Variants in DOCK11 observed in about 807,000 individuals in gnomAD.
DOCK11 encodes dedicator of cytokinesis 11.
A neutral mutation model predicts 169.1 loss-of-function variants in DOCK11; 70 were observed. The observed-to-expected ratio is 0.41, with a 90% CI of 0.34 to 0.51. The LOEUF is 0.51. Among genes scored for constraint, DOCK11 ranks in the 20% least tolerant of loss-of-function variants. The probability of loss-of-function intolerance (pLI) is 0.10; values close to 1 mark genes in which losing one functional copy is unlikely to be tolerated. For synonymous variants in DOCK11, 529 were observed against 541.3 expected, an observed-to-expected ratio of 0.98 and a Z score of 0.32; for missense variants, 1,166 against 1,538.8, an observed-to-expected ratio of 0.76 and a Z score of 4.05.
chrX:118,511,828 T>G (rs752969758), intron 1 of DOCK11, among the ~76,000 whole-genome samples: 1 of 112,272 alleles, frequency 8.9e-6, no homozygotes, highest in East Asian at 2.8e-4. Context: ...ACAGATACCG[T>G]CGTTCAGTTC....
At chrX:118,512,760 C>A (rs1603023408) in intron 1 of DOCK11, among the ~76,000 whole-genome samples, 1 of 110,892 alleles carries the variant, frequency 9.0e-6, no homozygotes, top group Admixed American at 9.6e-5. Flanking sequence ...CTATCCTCTA[C>A]CAGGGTAGAA....
intron 1 of DOCK11, among the ~76,000 whole-genome samples, chrX:118,514,961 C>T (rs1323572230): frequency 8.9e-6 from 1 of 111,927 alleles, no homozygotes; most frequent in Non-Finnish European, 1.9e-5. Flanking sequence ...GATCTAGAGG[C>T]CAGACGTCTG....
At chrX:118,617,599 G>T (rs1015126176) in intron 30 of DOCK11, among the ~76,000 whole-genome samples, 1 of 72,790 alleles carries the variant, frequency 1.4e-5, no homozygotes, top group Non-Finnish European at 2.6e-5. Context: ...TGAGGATCTA[G>T]CCTGGGCACA....
At chrX:118,515,086 ATC>A (rs1410075438) in intron 1 of DOCK11, among the ~76,000 whole-genome samples, 1 of 110,967 alleles carries the variant, frequency 9.0e-6, no homozygotes, top group East Asian at 2.8e-4. Flanking sequence ...CATCACTCCA[ATC>A]TCTGCCTCTG....
chrX:118,595,668 G>A (rs111249094), intron 20 of DOCK11, among the ~76,000 whole-genome samples: 2,952 of 111,982 alleles, frequency 0.026, 45 homozygotes, highest in Non-Finnish European at 0.043. Context: ...GCTCAGCGGA[G>A]CATGAAACAG....
chrX:118,524,370 T>C (rs1240000052), intron 1 of DOCK11, among the ~76,000 whole-genome samples: 1 of 111,823 alleles, frequency 8.9e-6, no homozygotes, highest in Non-Finnish European at 1.9e-5. Context: ...AAAATAAAGT[T>C]GATTACATTA....
chrX:118,502,829 G>A (rs2057584383), intron 1 of DOCK11, among the ~76,000 whole-genome samples: 1 of 111,515 alleles, frequency 9.0e-6, no homozygotes, highest in Non-Finnish European at 1.9e-5. Context: ...ACTGAATACA[G>A]TCAGGGAGGG....
In DOCK11 at chrX:118,593,349, C is replaced by T. The variant is rs755899574; in HGVS notation, c.2263+12C>T. The T allele has an allele frequency of 2.2e-5, 26 of 1,188,785 alleles. No homozygotes were observed. Among genetic ancestry groups the T allele is most frequent in the Non-Finnish European group, 2.9e-5 (26 of 885,886 alleles). On this transcript the variant is annotated intron_variant, in intron 20 of 52. Coordinates refer to ENST00000276202, the MANE Select transcript of DOCK11 (RefSeq NM_144658.4). ...AGTTGAAACTCCAGGTACGTGTTCTCTTTAAATGTCTCTCTCTACAGTTAT... is the reference window on the plus strand; with the variant it reads ...AGTTGAAACTCCAGGTACGTGTTCTTTTTAAATGTCTCTCTCTACAGTTAT...
intron 1 of DOCK11, among the ~76,000 whole-genome samples, chrX:118,534,281 C>G (rs1301376731): frequency 8.9e-6 from 1 of 111,999 alleles, no homozygotes; most frequent in African/African-American, 3.2e-5. Flanking sequence ...TTCTATTTAT[C>G]CATTTGTAGG....
chrX:118,599,770 CTGACAG>C (rs1490479466), intron 23 of DOCK11, among the ~76,000 whole-genome samples: 1 of 112,411 alleles, frequency 8.9e-6, no homozygotes, highest in Non-Finnish European at 1.9e-5. Flanking sequence ...CATAATTTGC[CTGACAG>C]TGGCTCTCTT....
chrX:118,565,042 C>A (rs2013036396), intron 7 of DOCK11, among the ~76,000 whole-genome samples: 1 of 110,237 alleles, frequency 9.1e-6, no homozygotes. Flanking sequence ...CTTAGGTGAT[C>A]CTCCCACCTC....
intron 1 of DOCK11, among the ~76,000 whole-genome samples, chrX:118,507,435 C>T (rs368297639): frequency 7.3e-5 from 8 of 109,449 alleles, no homozygotes; most frequent in Non-Finnish European, 1.5e-4. Context: ...TGGCAACCTC[C>T]GCCTCCTGTG....
Position 118,560,015 on chromosome X carries a change from A to C in DOCK11, c.559-1368A>C, listed in dbSNP as rs147269725. Among the ~76,000 whole-genome samples, 753 of 110,892 alleles carry C rather than the reference A, an allele frequency of 6.8e-3. 5 individuals carry two copies. Among genetic ancestry groups the C allele is most frequent in the African/African-American group, 0.023 (696 of 30,513 alleles). The stretch of plus-strand genomic sequence containing the variant: ...TTTCTGCTAGGACTCTTTTCTGTTG[A>C]TAGCACGTAGCCCACATGGCCCCTT... On this transcript the variant is annotated intron_variant, in intron 6 of 52. Coordinates refer to ENST00000276202, the MANE Select transcript of DOCK11 (RefSeq NM_144658.4).
intron 51 of DOCK11, among the ~76,000 whole-genome samples, chrX:118,682,052 G>A (rs940922219): frequency 9.0e-6 from 1 of 111,332 alleles, no homozygotes; most frequent in African/African-American, 3.3e-5. Flanking sequence ...AATATTTTAA[G>A]TGACACAAAC....
At chrX:118,532,020 A>G (rs1034970968) in intron 1 of DOCK11, among the ~76,000 whole-genome samples, 10 of 110,598 alleles carry the variant, frequency 9.0e-5, no homozygotes, top group Admixed American at 2.9e-4. Context: ...CTCTGGTGAT[A>G]GGGGGTTTGT....
rs1009581993 is a variant in DOCK11, at chrX:118,612,893, G to C, written c.3097-1799G>C. Among the ~76,000 whole-genome samples, 4 of 112,283 alleles carry C rather than the reference G, an allele frequency of 3.6e-5. No individual in the cohort carries two copies. In the Admixed American group the frequency reaches 3.8e-4, roughly 11 times the overall value. Reference sequence around the variant, plus strand: ...AAGGAATTTGGACTTTGATTCATATGCAATGGAGTAACACCAAATACTTGG... The same window carrying C: ...AAGGAATTTGGACTTTGATTCATATCCAATGGAGTAACACCAAATACTTGG... On this transcript the variant is annotated intron_variant, in intron 28 of 52. Coordinates refer to ENST00000276202, the MANE Select transcript of DOCK11 (RefSeq NM_144658.4).
chrX:118,607,981 T>G, intron 24 of DOCK11, 91 bp from the exon 25 acceptor site: 1 of 719,228 alleles, frequency 1.4e-6, no homozygotes, highest in Non-Finnish European at 2.1e-6. Context: ...CAGTGTTAGA[T>G]GTTTTGGGGG....
intron 6 of DOCK11, among the ~76,000 whole-genome samples, chrX:118,558,060 C>T (rs775795132): frequency 9.7e-6 from 1 of 102,678 alleles, no homozygotes; most frequent in Non-Finnish European, 2.0e-5. Context: ...CTGCAGCCTC[C>T]GCCTCCCGGG....
chrX:118,641,302 C>G lies in DOCK11; in HGVS notation c.4257C>G (p.Phe1419Leu). 8.6e-7 allele frequency: 1 copy of G among 1,165,806 alleles called. No individual in the cohort carries two copies. The highest frequency in any genetic ancestry group is 1.8e-5 in the African/African-American group (1 of 56,763). ...CCATATCATTTTTCACTCAGTGCTT[C>G]AAGGTAAAAATGAAGAGTTATAATT... ...LDTISFFTQC[F>L]KTQLLNNDGH... Residue 1419 changes from phenylalanine to leucine, a missense_variant, in exon 39 of 53, where the codon TTC becomes TTG. Physicochemically the swap from Phe to Leu is conservative, Grantham distance 22 (BLOSUM62 0). Coordinates refer to ENST00000276202, the MANE Select transcript of DOCK11 (RefSeq NM_144658.4).
Sources: allele counts gnomAD v4.1 joint callset (sites outside exome capture counted in the v4.1 genomes callset), GRCh38; gene constraint gnomAD v4.1.1; transcripts MANE v1.5; gene names NCBI Gene and HGNC (gene_info 2026-07-23, HGNC 2026-07-21).